Variants in CEP128 observed in about 807,000 individuals in gnomAD.
CEP128 encodes the protein centrosomal protein 128kDa.
A neutral mutation model predicts 156.7 loss-of-function variants in CEP128; 132 were observed. That is an observed-to-expected ratio of 0.84 (90% confidence interval 0.73 to 0.97). CEP128 has a LOEUF of 0.97. CEP128 is among the 50% of genes least tolerant of loss of function. The pLI, the probability that CEP128 is intolerant of heterozygous loss-of-function variation, is 0.00. For missense variants in CEP128, 1,252 were observed against 1,281.9 expected, an observed-to-expected ratio of 0.98 and a Z score of 0.36; for synonymous variants, 469 against 448.9, an observed-to-expected ratio of 1.04 and a Z score of -0.57.
chr14:80,875,264 A>C (rs2556602), intron 8 of CEP128, among the ~76,000 whole-genome samples: 1,794 of 152,358 alleles, frequency 0.012, 50 homozygotes, highest in African/African-American at 0.041. Flanking sequence ...AAAGTTTATT[A>C]AGTATCTCAA....
At position 80,559,351 on chromosome 14, in the gene CEP128, TTG is replaced by T. The variant is rs1566779640; in HGVS notation, c.2857-51_2857-50del. 4.1e-6 allele frequency: 6 copies of T among 1,450,340 alleles called. No homozygotes were observed. In the South Asian group the frequency reaches 7.7e-5, roughly 19 times the overall value. 89.8% of individuals were successfully genotyped at this position (1,450,340 alleles called of 1,614,324 possible). Reference sequence around the variant, plus strand: ...ATTATAAAACGAAGGCTGTTTAAAATTGTTTCAAGTTTACTTAATTTACAAGT... The same window carrying T: ...ATTATAAAACGAAGGCTGTTTAAAATTTTCAAGTTTACTTAATTTACAAGT... On this transcript the variant is annotated intron_variant, in intron 20 of 24. Coordinates refer to ENST00000555265, the MANE Select transcript of CEP128 (RefSeq NM_152446.5).
At chr14:80,477,252 G>T (rs908255564) in exon 15 of CEP128, 1 of 152,114 alleles carries the variant, frequency 6.6e-6, no homozygotes, top group Non-Finnish European at 1.5e-5. Context: ...CAGTATTACT[G>T]CCTTTCCTAC....
chr14:80,777,855 G>C, intron 16 of CEP128, 27 bp downstream of exon 16: 6 of 1,448,480 alleles, frequency 4.1e-6, no homozygotes, highest in Non-Finnish European at 5.7e-6. Context: ...ATTAGAATTT[G>C]AAATTAGAAT....
chr14:80,706,538 C>T (rs1897245761), intron 19 of CEP128, among the ~76,000 whole-genome samples: 1 of 151,950 alleles, frequency 6.6e-6, no homozygotes, highest in African/African-American at 2.4e-5. Flanking sequence ...ATTGCTGTTG[C>T]CCTATTAGTA....
chr14:80,620,973 A>C (rs1893454557), intron 19 of CEP128, among the ~76,000 whole-genome samples: 1 of 152,202 alleles, frequency 6.6e-6, no homozygotes, highest in Admixed American at 6.5e-5. Flanking sequence ...GTATAAACAC[A>C]CACAGCATGA....
At chr14:80,634,108 T>G (rs975809183) in intron 19 of CEP128, among the ~76,000 whole-genome samples, 1 of 152,220 alleles carries the variant, frequency 6.6e-6, no homozygotes, top group Non-Finnish European at 1.5e-5. Flanking sequence ...GTTACTAAGT[T>G]TAGATTACAT....
chr14:80,488,578 A>T (rs1434205410), downstream of CEP128, among the ~76,000 whole-genome samples: 1 of 151,966 alleles, frequency 6.6e-6, no homozygotes. Context: ...CAGTGTGGTG[A>T]TTCCTCAGGG....
At chr14:80,801,036 T>C (rs1201548789) in intron 13 of CEP128, among the ~76,000 whole-genome samples, 2 of 152,172 alleles carry the variant, frequency 1.3e-5, no homozygotes, top group African/African-American at 2.4e-5. Context: ...GGGCAACAGA[T>C]TTCACCACTG....
Position 80,557,721 on chromosome 14 carries a change from TG to T in CEP128, c.2880+1557del. Among the ~76,000 whole-genome samples, 3 of 152,310 alleles carry T rather than the reference TG, an allele frequency of 2.0e-5. No homozygotes were observed. In the South Asian group the frequency reaches 6.2e-4, roughly 32 times the overall value. ...CTGGACATCGTCAATCAAAATCACT[TG>T]CTTGCATATTACTAAAATGTGGTCT... On this transcript the variant is annotated intron_variant, in intron 21 of 24. Coordinates refer to ENST00000555265, the MANE Select transcript of CEP128 (RefSeq NM_152446.5).
At chr14:80,555,562 A>C (rs113018646) in intron 21 of CEP128, among the ~76,000 whole-genome samples, 1 of 152,242 alleles carries the variant, frequency 6.6e-6, no homozygotes, top group African/African-American at 2.4e-5. Context: ...TGAGTTAAAT[A>C]AACACATTTG....
intron 19 of CEP128, among the ~76,000 whole-genome samples, chr14:80,709,056 G>T (rs920143353): frequency 6.6e-6 from 1 of 150,698 alleles, no homozygotes; most frequent in African/African-American, 2.4e-5. Flanking sequence ...GGTAGCTCAC[G>T]CCTGTAATAA....
At chr14:80,514,468 T>C (rs1888399293) in intron 23 of CEP128, among the ~76,000 whole-genome samples, 1 of 152,186 alleles carries the variant, frequency 6.6e-6, no homozygotes, top group Non-Finnish European at 1.5e-5. Flanking sequence ...TTAAACCCAC[T>C]AATTGTATCT....
intron 19 of CEP128, among the ~76,000 whole-genome samples, chr14:80,630,764 T>C (rs1430710552): frequency 1.3e-5 from 2 of 152,044 alleles, no homozygotes; most frequent in African/African-American, 4.8e-5. Flanking sequence ...CGAAAATTAG[T>C]TATCCAATCT....
intron 19 of CEP128, among the ~76,000 whole-genome samples, chr14:80,667,209 C>T (rs1895652425): frequency 6.6e-6 from 1 of 152,182 alleles, no homozygotes; most frequent in African/African-American, 2.4e-5. Context: ...GGTAAGGGTA[C>T]AGACATTAGA....
chr14:80,536,047 A>G (rs754650518), intron 21 of CEP128, among the ~76,000 whole-genome samples: 1 of 152,194 alleles, frequency 6.6e-6, no homozygotes, highest in Non-Finnish European at 1.5e-5. Context: ...ATCTGCAACA[A>G]CACCAAACTC....
chr14:80,777,623 TC>T (rs1900865902), intron 16 of CEP128, among the ~76,000 whole-genome samples: 1 of 152,208 alleles, frequency 6.6e-6, no homozygotes, highest in Admixed American at 6.5e-5. Flanking sequence ...TTCCTTTTTT[TC>T]TACTTCATTT....
intron 21 of CEP128, among the ~76,000 whole-genome samples, chr14:80,531,576 C>A (rs1889226716): frequency 6.6e-6 from 1 of 152,186 alleles, no homozygotes; most frequent in Admixed American, 6.5e-5. Flanking sequence ...AATCTTGAGA[C>A]TAGAGACTGC....
chr14:80,860,707 G>A (rs1328889766), intron 9 of CEP128, among the ~76,000 whole-genome samples: 1 of 151,766 alleles, frequency 6.6e-6, no homozygotes, highest in African/African-American at 2.4e-5. Flanking sequence ...ACAAGGGTAT[G>A]TCTTCTTTTG....
chr14:80,489,764 G>C (rs1887259926), downstream of CEP128, among the ~76,000 whole-genome samples: 1 of 152,088 alleles, frequency 6.6e-6, no homozygotes, highest in Admixed American at 6.5e-5. Flanking sequence ...AATCAGAGCG[G>C]GGTGTGACAT....
Sources: gnomAD v4.1 joint callset for allele counts (sites outside exome capture counted in the v4.1 genomes callset) on GRCh38, gnomAD v4.1.1 for gene constraint, MANE v1.5 for transcripts, NCBI Gene and HGNC (gene_info 2026-07-23, HGNC 2026-07-21) for gene names.